Variants in RNF2 observed in about 807,000 individuals in gnomAD.
RNF2 encodes ring finger protein 2.
A neutral mutation model predicts 37.2 loss-of-function variants in RNF2; 6 were observed. The ratio of observed to expected loss-of-function variants is 0.16; its 90% CI spans 0.09 to 0.32. The LOEUF (loss-of-function observed/expected upper bound fraction) is 0.32, where lower values mean the gene tolerates loss of function less well. RNF2 is among the 10% of genes least tolerant of loss of function. The pLI, the probability that RNF2 is intolerant of heterozygous loss-of-function variation, is 1.00. For synonymous variants in RNF2, 133 were observed against 132.7 expected, an observed-to-expected ratio of 1.00 and a Z score of -0.02; for missense variants, 251 against 404.0, an observed-to-expected ratio of 0.62 and a Z score of 3.25.
chr1:185,058,507 G>A (rs1397641509), intron 1 of RNF2, among the ~76,000 whole-genome samples: 1 of 152,226 alleles, frequency 6.6e-6, no homozygotes, highest in African/African-American at 2.4e-5. Context: ...TTTGTTAAAA[G>A]TGGAAGTAGA....
intron 2 of RNF2, among the ~76,000 whole-genome samples, chr1:185,089,763 C>T (rs1261024093): frequency 6.6e-6 from 1 of 152,016 alleles, no homozygotes; most frequent in Non-Finnish European, 1.5e-5. Context: ...GGCGTGGTGG[C>T]TCAGACATGT....
intron 4 of RNF2, 77 bp from the exon 5 acceptor site, chr1:185,097,995 T>C: frequency 6.6e-7 from 1 of 1,505,044 alleles, no homozygotes; most frequent in Non-Finnish European, 9.0e-7. Context: ...TAAAGTTCAG[T>C]AGCAAACATG....
intron 1 of RNF2, among the ~76,000 whole-genome samples, chr1:185,062,854 GT>G (rs1325682889): frequency 6.6e-6 from 1 of 150,412 alleles, no homozygotes; most frequent in Non-Finnish European, 1.5e-5. Context: ...AAAAGATACT[GT>G]TTCACTCATG....
At chr1:185,092,411 G>A (rs929957489) in intron 3 of RNF2, among the ~76,000 whole-genome samples, 2 of 151,700 alleles carry the variant, frequency 1.3e-5, no homozygotes, top group Admixed American at 6.6e-5. Flanking sequence ...TCCTGACCTC[G>A]TGATCCACCC....
chr1:185,074,146 G>A (rs1651073928), intron 1 of RNF2, among the ~76,000 whole-genome samples: 1 of 152,216 alleles, frequency 6.6e-6, no homozygotes, highest in Non-Finnish European at 1.5e-5. Flanking sequence ...GGTAGAGAGA[G>A]TGAGGTCCAT....
At position 185,063,201 on chromosome 1, in the gene RNF2, T is replaced by C. The variant is rs192733049; in HGVS notation, c.-3+17552T>C. Among the ~76,000 whole-genome samples the C allele has an allele frequency of 1.5e-3, 221 of 152,296 alleles. 1 individual carries two copies. The highest frequency in any genetic ancestry group is 5.1e-3 in the African/African-American group (210 of 41,550). ...CCATTTGGAAATGCCAGATGTTTCT[T>C]AGGTCACTGAAACAGTAATTTTTAC... On this transcript the variant is annotated intron_variant, in intron 1 of 6. Transcript: ENST00000367510.
chr1:185,098,823 C>T (rs2102209390), intron 5 of RNF2, among the ~76,000 whole-genome samples: 1 of 151,858 alleles, frequency 6.6e-6, no homozygotes, highest in East Asian at 1.9e-4. Context: ...GCGATCTCGG[C>T]TCACTGCAGC....
chr1:185,093,393 C>A, intron 4 of RNF2, 117 bp downstream of exon 4: 1 of 861,236 alleles, frequency 1.2e-6, no homozygotes, highest in South Asian at 1.7e-5. Flanking sequence ...TGCATGATTA[C>A]CTTTCGTGCA....
intron 1 of RNF2, among the ~76,000 whole-genome samples, chr1:185,086,728 C>T (rs981775646): frequency 7.2e-5 from 11 of 152,132 alleles, no homozygotes; most frequent in African/African-American, 2.6e-4. Flanking sequence ...AACATGAGGT[C>T]GGGAATTTTT....
At chr1:185,051,815 TATAC>T (rs941442409) in intron 1 of RNF2, among the ~76,000 whole-genome samples, 14 of 150,166 alleles carry the variant, frequency 9.3e-5, no homozygotes, top group Non-Finnish European at 1.6e-4. Flanking sequence ...TTTACATATA[TATAC>T]ACACATTTTA....
intron 1 of RNF2, among the ~76,000 whole-genome samples, chr1:185,069,705 G>T (rs370715628): frequency 2.6e-4 from 39 of 152,282 alleles, no homozygotes; most frequent in African/African-American, 8.7e-4. Flanking sequence ...TATGTGTTTG[G>T]AGCTAGGGAG....
intron 1 of RNF2, among the ~76,000 whole-genome samples, chr1:185,073,921 A>G (rs980224986): frequency 6.6e-6 from 1 of 152,182 alleles, no homozygotes; most frequent in Non-Finnish European, 1.5e-5. Flanking sequence ...CCACACATTA[A>G]GGGATCAGTC....
chr1:185,097,824 C>T lies in RNF2; in HGVS notation c.465-248C>T, dbSNP rs76943390. Among the ~76,000 whole-genome samples the T allele has an allele frequency of 4.7e-3, 720 of 152,306 alleles. 1 individual carries two copies. Among genetic ancestry groups the T allele is most frequent in the African/African-American group, 5.7e-3 (237 of 41,562 alleles). Reference sequence around the variant, plus strand: ...TGTTGGGTTTACAGGTGTGAACCACCGTGCCTGGCCAGTAAAATTATTAAG... The same window carrying T: ...TGTTGGGTTTACAGGTGTGAACCACTGTGCCTGGCCAGTAAAATTATTAAG... On this transcript the variant is annotated intron_variant, in intron 4 of 6. Coordinates refer to ENST00000367510, the MANE Select transcript of RNF2 (RefSeq NM_007212.4).
chr1:185,077,703 CTGTTT>C (rs1195170776), intron 1 of RNF2, among the ~76,000 whole-genome samples: 2 of 124,988 alleles, frequency 1.6e-5, no homozygotes, highest in Non-Finnish European at 3.3e-5. Context: ...ATGAGCAAAT[CTGTTT>C]TGTTTTGTTT....
intron 1 of RNF2, among the ~76,000 whole-genome samples, chr1:185,056,065 C>A (rs1650425935): frequency 6.6e-6 from 1 of 152,128 alleles, no homozygotes; most frequent in Non-Finnish European, 1.5e-5. Flanking sequence ...AGAATTGTTA[C>A]AGTTGCATTG....
chr1:185,063,344 A>G (rs972963075), intron 1 of RNF2, among the ~76,000 whole-genome samples: 12 of 152,214 alleles, frequency 7.9e-5, no homozygotes, highest in African/African-American at 2.9e-4. Flanking sequence ...CTGAAATGCA[A>G]CCTTGGTATC....
chr1:185,065,776 C>T (rs1289935034), intron 1 of RNF2, among the ~76,000 whole-genome samples: 1 of 152,196 alleles, frequency 6.6e-6, no homozygotes, highest in Admixed American at 6.5e-5. Flanking sequence ...AGCAAGAAAC[C>T]ACTGGAAGGC....
At chr1:185,072,572 C>T (rs1651010308) in intron 1 of RNF2, among the ~76,000 whole-genome samples, 1 of 151,768 alleles carries the variant, frequency 6.6e-6, no homozygotes, top group African/African-American at 2.4e-5. Flanking sequence ...CATTCCTTTC[C>T]AAGCAGAAGG....
At chr1:185,077,626 T>TTTTTTTTTTTTTTG (rs1557968080) in intron 1 of RNF2, among the ~76,000 whole-genome samples, 1 of 105,888 alleles carries the variant, frequency 9.4e-6, no homozygotes, top group African/African-American at 3.9e-5. Context: ...ATTAACTTTG[T>TTTTTTTTTTTTTTG]TTTTTTTTTT....
Sources: gnomAD v4.1 joint callset for allele counts (sites outside exome capture counted in the v4.1 genomes callset) on GRCh38, gnomAD v4.1.1 for gene constraint, MANE v1.5 for transcripts, NCBI Gene and HGNC (gene_info 2026-07-23, HGNC 2026-07-21) for gene names.